The following ARHGEF7 variants were observed in gnomAD, a reference collection of about 807,000 sequenced individuals.
ARHGEF7 encodes Rho guanine nucleotide exchange factor 7.
Under a neutral mutation model 109.8 loss-of-function variants are expected in ARHGEF7, and 33 were observed. The ratio of observed to expected loss-of-function variants is 0.30; its 90% CI spans 0.23 to 0.40. The LOEUF is 0.40. ARHGEF7 is among the 10% of genes least tolerant of loss of function. ARHGEF7 has a pLI of 1.00. For synonymous variants in ARHGEF7, 458 were observed against 424.6 expected (o/e 1.08, Z -0.97); for missense variants, 938 against 1,098.5 (o/e 0.85, Z 2.07).
chr13:111,279,155 C>CT (rs2092649654), intron 13 of ARHGEF7, among the ~76,000 whole-genome samples: 1 of 152,210 alleles, frequency 6.6e-6, no homozygotes, highest in Non-Finnish European at 1.5e-5. Context: ...TGTTAAAGTA[C>CT]TTATATGCAT....
At chr13:111,184,219 G>A (rs535042794) in intron 2 of ARHGEF7, among the ~76,000 whole-genome samples, 7 of 152,134 alleles carry the variant, frequency 4.6e-5, no homozygotes, top group African/African-American at 9.7e-5. Flanking sequence ...GCCTTTTGCC[G>A]TGATTGTAAG....
chr13:111,290,752 A>G (rs2093246620), intron 18 of ARHGEF7, among the ~76,000 whole-genome samples: 1 of 152,186 alleles, frequency 6.6e-6, no homozygotes, highest in African/African-American at 2.4e-5. Flanking sequence ...TTTTTAATTC[A>G]TATTATGGGC....
At chr13:111,245,859 A>G (rs2088743509) in intron 8 of ARHGEF7, among the ~76,000 whole-genome samples, 1 of 152,274 alleles carries the variant, frequency 6.6e-6, no homozygotes, top group African/African-American at 2.4e-5. Flanking sequence ...AAAACCATCA[A>G]GCGAGAAATA....
intron 19 of ARHGEF7, chr13:111,293,107 C>G: frequency 1.0e-6 from 1 of 985,398 alleles, no homozygotes; most frequent in Non-Finnish European, 1.2e-6. Context: ...CAAGCCTGTA[C>G]CACTCTACAG....
rs553740416 is a variant in ARHGEF7 at position 111,249,634 on chromosome 13, A to G, written c.950+5340A>G. Among the ~76,000 whole-genome samples, 4 of 152,226 alleles carry G rather than the reference A, an allele frequency of 2.6e-5. No homozygotes were observed. In the East Asian group the frequency reaches 5.8e-4, roughly 22 times the overall value. ...TCTGCTCTTGTCCTTGTCTGTACCT[A>G]TGAAGATAAGCTGGTACTTGACATT... is the stretch of plus-strand genomic sequence containing the variant. On this transcript the variant is annotated intron_variant, in intron 8 of 21. Coordinates refer to ENST00000646102, the MANE Select transcript of ARHGEF7 (RefSeq NM_001354046.2).
chr13:111,160,844 C>T (rs950840702), intron 2 of ARHGEF7, among the ~76,000 whole-genome samples: 3 of 152,142 alleles, frequency 2.0e-5, no homozygotes, highest in African/African-American at 7.2e-5. Flanking sequence ...AGGTGCTTTT[C>T]GCCATGATTG....
chr13:111,173,519 C>G (rs758879859), intron 2 of ARHGEF7, among the ~76,000 whole-genome samples: 10 of 152,134 alleles, frequency 6.6e-5, no homozygotes, highest in Non-Finnish European at 1.2e-4. Flanking sequence ...GTAAGCTCAG[C>G]CCCAGGATGT....
chr13:111,154,826 T>C (rs1304706737), intron 2 of ARHGEF7, among the ~76,000 whole-genome samples: 2 of 152,200 alleles, frequency 1.3e-5, no homozygotes, highest in Non-Finnish European at 2.9e-5. Context: ...GTCCTGTACT[T>C]AAGTCCTGCC....
At chr13:111,242,216 GT>G (rs1047891673) in intron 6 of ARHGEF7, among the ~76,000 whole-genome samples, 1 of 151,598 alleles carries the variant, frequency 6.6e-6, no homozygotes, top group Non-Finnish European at 1.5e-5. Flanking sequence ...AAGAGCCTCT[GT>G]TTTTTTTCGC....
chr13:111,288,340 G>T lies in ARHGEF7; in HGVS notation c.2045-14G>T, dbSNP rs372224355. On this transcript the variant is annotated splice_polypyrimidine_tract_variant and intron_variant, in intron 17 of 21. Coordinates refer to ENST00000646102, the MANE Select transcript of ARHGEF7 (RefSeq NM_001354046.2). The stretch of plus-strand genomic sequence containing the variant: ...TTTCAGTTCGACTGTGAACTGTTGC[G>T]CATCTCTTGACAGGCACAGCTGCTT... 5 of 1,603,618 alleles carry T rather than the reference G, an allele frequency of 3.1e-6. No homozygotes were observed. Among genetic ancestry groups the T allele is most frequent in the Non-Finnish European group, 4.3e-6 (5 of 1,171,422 alleles).
chr13:111,128,388 G>A (rs1458756773), intron 1 of ARHGEF7, among the ~76,000 whole-genome samples: 4 of 152,214 alleles, frequency 2.6e-5, no homozygotes, highest in Non-Finnish European at 4.4e-5. Flanking sequence ...AGCTACTCAG[G>A]AGGCTGAGGC....
intron 1 of ARHGEF7, among the ~76,000 whole-genome samples, chr13:111,148,168 A>T (rs73633247): frequency 0.13 from 19,078 of 152,240 alleles, 1,354 homozygotes; most frequent in African/African-American, 0.14. Flanking sequence ...TGCTTATGCC[A>T]TCATCTGCCA....
intron 2 of ARHGEF7, among the ~76,000 whole-genome samples, chr13:111,190,716 T>C (rs1472540854): frequency 6.6e-6 from 1 of 152,128 alleles, no homozygotes; most frequent in Non-Finnish European, 1.5e-5. Flanking sequence ...CCTGAGGCAA[T>C]GTTAATGTTG....
At chr13:111,167,756 A>C (rs1458602134) in intron 2 of ARHGEF7, among the ~76,000 whole-genome samples, 1 of 152,228 alleles carries the variant, frequency 6.6e-6, no homozygotes, top group Non-Finnish European at 1.5e-5. Context: ...TTGAATGCTG[A>C]GGCACACACG....
intron 2 of ARHGEF7, among the ~76,000 whole-genome samples, chr13:111,168,373 A>G (rs906546759): frequency 6.6e-6 from 1 of 152,190 alleles, no homozygotes; most frequent in Non-Finnish European, 1.5e-5. Context: ...TTGCCATTCC[A>G]GGCTCAGAGT....
Position 111,233,260 on chromosome 13 carries a change from T to C in ARHGEF7, c.726T>C (p.Asp242=), listed in dbSNP as rs1475307390. Residue 242 remains aspartate, a synonymous_variant, in exon 6 of 22, where the codon GAT becomes GAC. Coordinates refer to ENST00000646102, the MANE Select transcript of ARHGEF7 (RefSeq NM_001354046.2). The stretch of plus-strand genomic sequence containing the variant: ...TGAAGAGCCCTCCCAAAGGATTTGA[T>C]ACGACTGCCATAAACAAAAGCTATT... The part of the protein sequence containing the change: ...GTLKSPPKGF[D]TTAINKSYYN... 6.2e-7 allele frequency: 1 copy of C among 1,614,174 alleles called. No homozygotes were observed.
chr13:111,143,781 C>G (rs2075460247), intron 1 of ARHGEF7: 1 of 152,228 alleles, frequency 6.6e-6, no homozygotes, highest in Admixed American at 6.5e-5. Context: ...TCCTGGGGAT[C>G]TGCATCGCTG....
chr13:111,299,617 C>T (rs2093514599), intron 19 of ARHGEF7, among the ~76,000 whole-genome samples: 1 of 152,226 alleles, frequency 6.6e-6, no homozygotes, highest in Admixed American at 6.5e-5. Flanking sequence ...GCTGGGATTA[C>T]AGGCGTGAGC....
chr13:111,293,665 T>G, intron 19 of ARHGEF7: 1 of 985,430 alleles, frequency 1.0e-6, no homozygotes, highest in Non-Finnish European at 1.2e-6. Context: ...GTTTTAAGTA[T>G]TCATTGAAAC....
Sources: allele counts gnomAD v4.1 joint callset (sites outside exome capture counted in the v4.1 genomes callset), GRCh38; gene constraint gnomAD v4.1.1; transcripts MANE v1.5; gene names NCBI Gene and HGNC (gene_info 2026-07-23, HGNC 2026-07-21).